SHCBP1: variants seen among roughly 807,000 people sequenced by gnomAD.
The protein encoded by SHCBP1 is SHC SH2 domain-binding protein 1.
A neutral mutation model predicts 75.1 loss-of-function variants in SHCBP1; 60 were observed. The ratio of observed to expected loss-of-function variants is 0.80; its 90% CI spans 0.65 to 0.99. The LOEUF is 0.99. Among genes scored for constraint, SHCBP1 ranks in the 50% least tolerant of loss-of-function variants. The probability of loss-of-function intolerance (pLI) is 0.00; values close to 1 mark genes in which losing one functional copy is unlikely to be tolerated. For synonymous variants in SHCBP1, 290 were observed against 293.2 expected, an observed-to-expected ratio of 0.99 and a Z score of 0.11; for missense variants, 709 against 809.4, an observed-to-expected ratio of 0.88 and a Z score of 1.50.
intron 7 of SHCBP1, 37 bp downstream of exon 7, chr16:46,603,937 GA>G (rs773725008): frequency 6.4e-6 from 10 of 1,571,882 alleles, no homozygotes; most frequent in East Asian, 2.2e-5. Context: ...GAATCAGAAG[GA>G]AAAAAAGCCA....
At chr16:46,610,544 A>ATTTGTTTTTTTT (rs1965397050) in intron 4 of SHCBP1, among the ~76,000 whole-genome samples, 1 of 31,088 alleles carries the variant, frequency 3.2e-5, no homozygotes, top group Non-Finnish European at 5.7e-5. Context: ...CATGGGGTCA[A>ATTTGTTTTTTTT]TTTTTTTTTT....
Position 46,618,261 on chromosome 16 carries a change from T to G in SHCBP1, c.215A>C (p.Gln72Pro). ...CTCATAGAACAAAAGTTGATTTGTT[T>G]GGAAAATTTCTGGGAAAAAGGTTTT... ...EGKTFFPEIFQTNQLLFYERF... is the reference protein window; with the variant it reads ...EGKTFFPEIFPTNQLLFYERF... Residue 72 changes from glutamine to proline, a missense_variant, in exon 2 of 13, where the codon CAA (glutamine) becomes CCA (proline). By Grantham distance (76) the Gln-to-Pro change is moderately conservative. Transcript: ENST00000303383. The G allele has an allele frequency of 6.2e-7, 1 of 1,613,666 alleles. No homozygotes were observed. Among genetic ancestry groups the G allele is most frequent in the Non-Finnish European group, 8.5e-7 (1 of 1,179,900 alleles).
chr16:46,620,591 T>A (rs1965570619), intron 1 of SHCBP1: 1 of 152,230 alleles, frequency 6.6e-6, no homozygotes, highest in Admixed American at 6.5e-5. Context: ...ATAGGTGGGT[T>A]AATAGTGGAA....
chr16:46,605,600 A>C (rs908055541), intron 5 of SHCBP1, among the ~76,000 whole-genome samples: 1 of 152,140 alleles, frequency 6.6e-6, no homozygotes, highest in Admixed American at 6.5e-5. Context: ...GTCTCAAAAA[A>C]CAAACAAACA....
At chr16:46,614,088 T>A (rs937342761) in intron 4 of SHCBP1, among the ~76,000 whole-genome samples, 1 of 152,246 alleles carries the variant, frequency 6.6e-6, no homozygotes, top group South Asian at 2.1e-4. Context: ...AGATTTTTTT[T>A]AATGAGAAAA....
chr16:46,581,637 A>G lies in SHCBP1; in HGVS notation c.*92T>C. 5 of 1,159,302 alleles carry G rather than the reference A, an allele frequency of 4.3e-6. No homozygotes were observed. Among genetic ancestry groups the G allele is most frequent in the Non-Finnish European group, 6.2e-6 (5 of 809,338 alleles). 71.8% of individuals were successfully genotyped at this position (1,159,302 alleles called of 1,614,324 possible). On this transcript the variant is annotated 3_prime_UTR_variant, in exon 13 of 13. Coordinates refer to ENST00000303383, the MANE Select transcript of SHCBP1 (RefSeq NM_024745.5). Reference sequence around the variant, plus strand: ...AAGCCCAAATAATCAAATATAAAATACAGACAATACAGCAAACTACAATGG... The same window carrying G: ...AAGCCCAAATAATCAAATATAAAATGCAGACAATACAGCAAACTACAATGG...
At chr16:46,619,311 G>C (rs1482634573) in intron 1 of SHCBP1, among the ~76,000 whole-genome samples, 1 of 152,212 alleles carries the variant, frequency 6.6e-6, no homozygotes, top group Non-Finnish European at 1.5e-5. Context: ...TGGTTTCAGG[G>C]AAGGTATCTG....
intron 4 of SHCBP1, among the ~76,000 whole-genome samples, chr16:46,612,129 T>C (rs561083185): frequency 6.6e-6 from 1 of 152,136 alleles, no homozygotes; most frequent in Non-Finnish European, 1.5e-5. Flanking sequence ...AGACACCAGC[T>C]GAACAGTGGT....
At chr16:46,589,166 G>A (rs1470443389) in intron 10 of SHCBP1, among the ~76,000 whole-genome samples, 1 of 152,122 alleles carries the variant, frequency 6.6e-6, no homozygotes, top group Admixed American at 6.6e-5. Flanking sequence ...TTGATGGGAT[G>A]TATCTCAAAA....
Position 46,581,686 on chromosome 16 carries a change from T to C in SHCBP1, c.*43A>G, listed in dbSNP as rs758217756. 4 of 1,520,956 alleles carry C rather than the reference T, an allele frequency of 2.6e-6. No homozygotes were observed. The highest frequency in any genetic ancestry group is 1.4e-5 in the African/African-American group (1 of 72,844). 94.2% of individuals were successfully genotyped at this position (1,520,956 alleles called of 1,614,324 possible). Reference sequence around the variant, plus strand: ...GGCAGCAGTGATTCTTAGGGCAGCATGTGCAAAATCCAGTATTTTGCTATC... The same window carrying C: ...GGCAGCAGTGATTCTTAGGGCAGCACGTGCAAAATCCAGTATTTTGCTATC... On this transcript the variant is annotated 3_prime_UTR_variant, in exon 13 of 13. Coordinates refer to ENST00000303383, the MANE Select transcript of SHCBP1 (RefSeq NM_024745.5).
intron 10 of SHCBP1, among the ~76,000 whole-genome samples, chr16:46,587,308 A>G (rs578086787): frequency 6.6e-6 from 1 of 152,314 alleles, no homozygotes; most frequent in Admixed American, 6.5e-5. Context: ...GATATTCTCA[A>G]AAACAAATGA....
chr16:46,618,400 G>C, intron 1 of SHCBP1, 28 bp from the exon 2 acceptor site: 2 of 1,550,582 alleles, frequency 1.3e-6, no homozygotes, highest in Non-Finnish European at 1.7e-6. Context: ...AAATAAGCAA[G>C]CTCCAGTGCC....
intron 5 of SHCBP1, among the ~76,000 whole-genome samples, chr16:46,607,431 T>C (rs1313250162): frequency 1.3e-5 from 2 of 152,138 alleles, no homozygotes; most frequent in Non-Finnish European, 2.9e-5. Flanking sequence ...GCCTCACACA[T>C]TTTTTATTTT....
chr16:46,606,909 C>T (rs1965334290), intron 5 of SHCBP1, among the ~76,000 whole-genome samples: 1 of 151,794 alleles, frequency 6.6e-6, no homozygotes, highest in South Asian at 2.1e-4. Context: ...CAGCTTCAAA[C>T]TCCTGGACTC....
At chr16:46,594,792 G>A (rs80068430) in intron 10 of SHCBP1, among the ~76,000 whole-genome samples, 4,434 of 152,006 alleles carry the variant, frequency 0.029, 91 homozygotes, top group Middle Eastern at 0.078. Context: ...ACCTGTACCC[G>A]AACGTTTATA....
At chr16:46,602,515 GT>G (rs1246633127) in intron 8 of SHCBP1, among the ~76,000 whole-genome samples, 2 of 152,176 alleles carry the variant, frequency 1.3e-5, no homozygotes, top group African/African-American at 4.8e-5. Context: ...TTGATAAATA[GT>G]TGAACAGGTG....
At chr16:46,593,285 A>T (rs1965080657) in intron 10 of SHCBP1, among the ~76,000 whole-genome samples, 1 of 152,222 alleles carries the variant, frequency 6.6e-6, no homozygotes, top group South Asian at 2.1e-4. Flanking sequence ...ATAAACATAT[A>T]AAAATAAATT....
At chr16:46,617,827 C>G in intron 2 of SHCBP1, 78 bp from the exon 3 acceptor site, 1 of 1,105,764 alleles carries the variant, frequency 9.0e-7, no homozygotes, top group Non-Finnish European at 1.4e-6. Flanking sequence ...TTCTCAGAAA[C>G]AACTGGCAAT....
At position 46,604,118 on chromosome 16, in the gene SHCBP1, A is replaced by G; in HGVS notation, c.949T>C (p.Ser317Pro). ...LRYVFGYQKNSNIQAKGVRSS... is the reference protein window; with the variant it reads ...LRYVFGYQKNPNIQAKGVRSS... ...CGGACACCCTTTGCTTGGATGTTAG[A>G]ATTCTTCTGATAACCAAACACATAC... The change falls in exon 7 of 13, where the codon TCT (serine) becomes CCT (proline). Residue 317 changes from serine (S) to proline (P), a missense_variant. Transcript: ENST00000303383. 6 of 1,614,176 alleles carry G rather than the reference A, an allele frequency of 3.7e-6. No individual in the cohort carries two copies. The highest frequency in any genetic ancestry group is 5.1e-6 in the Non-Finnish European group (6 of 1,180,030).
Sources: gnomAD v4.1 joint callset for allele counts (sites outside exome capture counted in the v4.1 genomes callset) on GRCh38, gnomAD v4.1.1 for gene constraint, MANE v1.5 for transcripts, NCBI Gene and HGNC (gene_info 2026-07-23, HGNC 2026-07-21) for gene names.